PYGB: variants seen among roughly 807,000 people sequenced by gnomAD.
The protein encoded by PYGB is glycogen phosphorylase, brain form.
PYGB carries 82 observed loss-of-function variants against 94.3 expected under a neutral mutation model. The observed-to-expected ratio is 0.87, with a 90% CI of 0.73 to 1.04. PYGB has a LOEUF of 1.04. PYGB is among the 50% of genes least tolerant of loss of function. The probability of loss-of-function intolerance (pLI) is 0.00; values close to 1 mark genes in which losing one functional copy is unlikely to be tolerated. For synonymous variants in PYGB, 488 were observed against 479.1 expected (o/e 1.02, Z -0.24); for missense variants, 1,132 against 1,158.2 (o/e 0.98, Z 0.33).
At chr20:25,290,045 T>C (rs1170987098) in intron 15 of PYGB, 3 of 454,696 alleles carry the variant, frequency 6.6e-6, no homozygotes, top group African/African-American at 4.0e-5. Context: ...GTGTCTCAGT[T>C]CTCTGTAGGT....
At chr20:25,277,749 G>A (rs2088326686) in intron 7 of PYGB, among the ~76,000 whole-genome samples, 1 of 152,212 alleles carries the variant, frequency 6.6e-6, no homozygotes, top group East Asian at 1.9e-4. Flanking sequence ...TTGATGCCTG[G>A]GGACATTTGA....
chr20:25,274,711 G>A lies in PYGB; in HGVS notation c.648G>A (p.Trp216Ter). Reference protein sequence around the residue: ...RVEHTPDGVKWLDTQVVLAMP... With the variant: ...RVEHTPDGVK ...AGCACACCCCCGACGGCGTGAAGTG[G>A]CTGGACACACAGGTACCTGGGCTGA... is the stretch of plus-strand genomic sequence containing the variant. Residue 216 changes from tryptophan to a stop codon, truncating the protein, a stop_gained, in exon 5 of 20, where the codon TGG (tryptophan) becomes TGA (stop). Coordinates refer to ENST00000216962, the MANE Select transcript of PYGB (RefSeq NM_002862.4). LOFTEE classifies it high-confidence loss of function. 1.2e-6 allele frequency: 2 copies of A among 1,612,840 alleles called. No individual in the cohort carries two copies. The highest frequency in any genetic ancestry group is 1.7e-6 in the Non-Finnish European group (2 of 1,179,838).
At chr20:25,290,396 C>A (rs916978454) in intron 15 of PYGB, 85 bp from the exon 16 acceptor site, 12 of 1,523,050 alleles carry the variant, frequency 7.9e-6, no homozygotes, top group Admixed American at 1.7e-5. Flanking sequence ...AGCCTCACCC[C>A]CCTACAGACC....
At chr20:25,269,500 A>G (rs2088247782) in intron 3 of PYGB, among the ~76,000 whole-genome samples, 1 of 152,220 alleles carries the variant, frequency 6.6e-6, no homozygotes, top group Non-Finnish European at 1.5e-5. Context: ...AGGGCACAAG[A>G]GCCAGTGATT....
intron 4 of PYGB, among the ~76,000 whole-genome samples, chr20:25,272,465 C>T (rs542004068): frequency 1.4e-4 from 21 of 152,322 alleles, no homozygotes; most frequent in East Asian, 9.6e-4. Context: ...CACAGCGATG[C>T]GTTTAGTGGG....
At chr20:25,267,977 T>C (rs954357375) in intron 2 of PYGB, among the ~76,000 whole-genome samples, 6 of 152,074 alleles carry the variant, frequency 3.9e-5, no homozygotes, top group African/African-American at 1.4e-4. Context: ...TTTAGAAAAA[T>C]ATGTAGAGAT....
At chr20:25,270,522 G>A (rs1051471286) in intron 3 of PYGB, among the ~76,000 whole-genome samples, 2 of 152,118 alleles carry the variant, frequency 1.3e-5, no homozygotes, top group African/African-American at 4.8e-5. Context: ...TTTTAATAAG[G>A]TTGCATCTCA....
chr20:25,258,840 A>C (rs929096641), intron 1 of PYGB, among the ~76,000 whole-genome samples: 3 of 152,250 alleles, frequency 2.0e-5, no homozygotes, highest in Non-Finnish European at 2.9e-5. Context: ...CCTGTGTTAC[A>C]TCTGTGTTAG....
intron 15 of PYGB, 91 bp downstream of exon 15, chr20:25,288,574 C>T (rs761066159): frequency 1.4e-6 from 2 of 1,448,134 alleles, no homozygotes; most frequent in East Asian, 2.3e-5. Flanking sequence ...GCCACCACAT[C>T]CATACTCGGG....
rs1163004541 is a variant in PYGB at position 25,276,614 on chromosome 20, ACTCCGTCCTGAGCAACCCGTTTTG to A, written c.661-31_661-8del. 7.5e-6 allele frequency: 12 copies of A among 1,589,770 alleles called. No individual in the cohort carries two copies. The highest frequency in any genetic ancestry group is 1.7e-6 in the Non-Finnish European group (2 of 1,160,684). On this transcript the variant is annotated splice_region_variant and splice_polypyrimidine_tract_variant and intron_variant, in intron 5 of 19. Transcript: ENST00000216962. ...ACAGGGGCCGGCGGGGGCCCTTGCC[ACTCCGTCCTGAGCAACCCGTTTTG>A]TGGCCAGGTGGTGCTGGCCATGCCC...
chr20:25,276,730 G>A lies in PYGB; in HGVS notation c.745G>A (p.Ala249Thr), dbSNP rs201237211. Residue 249 changes from alanine to threonine, a missense_variant, in exon 6 of 20, where the codon GCT (alanine) becomes ACT (threonine). By Grantham distance (58) the Ala-to-Thr change is moderately conservative (BLOSUM62 0). Transcript: ENST00000216962. The part of the protein sequence containing the change: ...VNTMRLWSAK[A>T]PNDFKLQDFN... ...CACCATGCGGCTGTGGTCCGCCAAG[G>A]CTCCCAACGACTTCAAGCTGCAGGA... 1 of 1,613,992 alleles carries A rather than the reference G, an allele frequency of 6.2e-7. No homozygotes were observed. Among genetic ancestry groups the A allele is most frequent in the Admixed American group, 1.7e-5 (1 of 60,014 alleles).
Position 25,290,367 on chromosome 20 carries a change from G to A in PYGB, c.1828-114G>A, listed in dbSNP as rs2500426. The A allele has an allele frequency of 4.0e-4, 547 of 1,371,970 alleles. 1 individual carries two copies. The African/African-American group carries it at 5.8e-3, about 14-fold the overall frequency. The allele number at this position is 1,371,970 out of a possible 1,614,324, so 85.0% of individuals were successfully genotyped here. A position where few individuals can be genotyped will look rare whatever the true frequency, so the allele number is the denominator to read the frequency against. On this transcript the variant is annotated intron_variant, in intron 15 of 19. Coordinates refer to ENST00000216962, the MANE Select transcript of PYGB (RefSeq NM_002862.4). ...TAGCTCCTCTACTGACCGTCCCGAC[G>A]GCAGGTTCCTGTGGCTCTAGCCTCA...
chr20:25,270,874 G>A (rs558548291), intron 3 of PYGB, among the ~76,000 whole-genome samples: 1 of 152,328 alleles, frequency 6.6e-6, no homozygotes, highest in East Asian at 1.9e-4. Flanking sequence ...TGGATTTAAT[G>A]ACACGTGCTA....
chr20:25,293,052 C>G (rs911842579), intron 17 of PYGB, among the ~76,000 whole-genome samples: 2 of 151,542 alleles, frequency 1.3e-5, no homozygotes, highest in Non-Finnish European at 2.9e-5. Context: ...GTTGAGGTTC[C>G]CTGGTCTAAG....
intron 12 of PYGB, 68 bp from the exon 13 acceptor site, chr20:25,283,108 C>T: frequency 1.5e-6 from 2 of 1,301,416 alleles, no homozygotes; most frequent in Middle Eastern, 1.9e-4. Flanking sequence ...GGGAGGAGGG[C>T]AGGTGGCTAG....
At chr20:25,289,953 AG>A (rs770850675) in intron 15 of PYGB, 1 of 533,496 alleles carries the variant, frequency 1.9e-6, no homozygotes, top group South Asian at 1.4e-5. Context: ...TCCCCTGCCC[AG>A]TTGTCTTTGT....
At chr20:25,264,360 C>A (rs910266550) in intron 2 of PYGB, among the ~76,000 whole-genome samples, 3 of 152,164 alleles carry the variant, frequency 2.0e-5, no homozygotes, top group Non-Finnish European at 4.4e-5. Context: ...CCTTTGAAAA[C>A]TGGCAGAAGA....
chr20:25,267,591 T>TA (rs1443018411), intron 2 of PYGB, among the ~76,000 whole-genome samples: 2 of 152,110 alleles, frequency 1.3e-5, no homozygotes, highest in African/African-American at 2.4e-5. Context: ...AGTGCAATGA[T>TA]ACGATCACGG....
chr20:25,280,377 G>A lies in PYGB; in HGVS notation c.1204G>A (p.Glu402Lys), dbSNP rs1388419022. ...TGAGAAGCTGCTGCCGCGGCACCTGGAGATAATCTATGCCATCAACCAGCG... is the reference window on the plus strand; with the variant it reads ...TGAGAAGCTGCTGCCGCGGCACCTGAAGATAATCTATGCCATCAACCAGCG... ...MFEKLLPRHL[E>K]IIYAINQRHL... Residue 402 changes from glutamate (E) to lysine (K), a missense_variant, in exon 10 of 20, where the codon GAG becomes AAG. Glu to Lys is a moderately conservative substitution (Grantham distance 56). Coordinates refer to ENST00000216962, the MANE Select transcript of PYGB (RefSeq NM_002862.4). 4 of 1,614,214 alleles carry A rather than the reference G, an allele frequency of 2.5e-6. No individual in the cohort carries two copies. Among genetic ancestry groups the A allele is most frequent in the Admixed American group, 3.3e-5 (2 of 60,036 alleles).
Sources: gnomAD v4.1 joint callset for allele counts (sites outside exome capture counted in the v4.1 genomes callset) on GRCh38, gnomAD v4.1.1 for gene constraint, MANE v1.5 for transcripts, NCBI Gene and HGNC (gene_info 2026-07-23, HGNC 2026-07-21) for gene names.